Variants in PTPRT observed in about 807,000 individuals in gnomAD.
The protein encoded by PTPRT is receptor-type tyrosine-protein phosphatase T.
Under a neutral mutation model 176.8 loss-of-function variants are expected in PTPRT, and 56 were observed. The observed-to-expected ratio is 0.32, with a 90% CI of 0.26 to 0.40. The LOEUF is 0.40. Ranked by LOEUF, PTPRT falls within the 10% of genes least tolerant of loss-of-function variation. The pLI is 1.00. For missense variants in PTPRT, 1,540 were observed against 1,908.2 expected, an observed-to-expected ratio of 0.81 and a Z score of 3.60; for synonymous variants, 783 against 739.0, an observed-to-expected ratio of 1.06 and a Z score of -0.96.
intron 6 of PTPRT, among the ~76,000 whole-genome samples, chr20:42,745,356 G>A (rs1375829529): frequency 2.6e-5 from 4 of 152,196 alleles, no homozygotes; most frequent in African/African-American, 4.8e-5. Flanking sequence ...CATGGGGCAG[G>A]ATCTGGGCCA....
At chr20:42,280,686 G>T (rs1485150441) in intron 13 of PTPRT, among the ~76,000 whole-genome samples, 1 of 152,158 alleles carries the variant, frequency 6.6e-6, no homozygotes, top group African/African-American at 2.4e-5. Context: ...TCTTCTGTCT[G>T]GTTCTTTAAA....
chr20:42,450,233 A>C (rs1429120692), intron 8 of PTPRT, among the ~76,000 whole-genome samples: 1 of 152,262 alleles, frequency 6.6e-6, no homozygotes, highest in Non-Finnish European at 1.5e-5. Flanking sequence ...ATAGACCTTA[A>C]GATTAATGCT....
chr20:42,216,876 C>A (rs2055783618), intron 15 of PTPRT, among the ~76,000 whole-genome samples: 1 of 152,154 alleles, frequency 6.6e-6, no homozygotes, highest in South Asian at 2.1e-4. Flanking sequence ...TCAGAATCAC[C>A]TTGTTAAGCA....
chr20:42,627,431 A>G (rs1203366260), intron 7 of PTPRT, among the ~76,000 whole-genome samples: 3 of 151,972 alleles, frequency 2.0e-5, no homozygotes, highest in African/African-American at 7.2e-5. Context: ...TACCACACCC[A>G]GCTAATTTTT....
intron 9 of PTPRT, among the ~76,000 whole-genome samples, chr20:42,366,282 G>A (rs1440579865): frequency 6.6e-6 from 1 of 152,206 alleles, no homozygotes; most frequent in Non-Finnish European, 1.5e-5. Context: ...GATGGGTGGT[G>A]CCCAGGCTTG....
intron 12 of PTPRT, among the ~76,000 whole-genome samples, chr20:42,300,355 A>T (rs141542116): frequency 6.6e-6 from 1 of 152,194 alleles, no homozygotes; most frequent in East Asian, 1.9e-4. Flanking sequence ...GTACTCACTA[A>T]CAATGATTCC....
At chr20:42,948,471 A>C (rs1198367325) in intron 1 of PTPRT, among the ~76,000 whole-genome samples, 1 of 152,198 alleles carries the variant, frequency 6.6e-6, no homozygotes. Flanking sequence ...CATGTGGCCC[A>C]ATACAAGCCA....
At chr20:42,495,028 C>A (rs2071628823) in intron 7 of PTPRT, among the ~76,000 whole-genome samples, 1 of 152,182 alleles carries the variant, frequency 6.6e-6, no homozygotes, top group Admixed American at 6.6e-5. Flanking sequence ...CCTTGTCATC[C>A]TGACTCTCAT....
At chr20:42,338,148 A>G (rs757249184) in intron 11 of PTPRT, among the ~76,000 whole-genome samples, 1 of 152,230 alleles carries the variant, frequency 6.6e-6, no homozygotes, top group African/African-American at 2.4e-5. Context: ...GAATTCTTCA[A>G]TTCAGTTTAT....
At chr20:42,936,768 T>C (rs1980218140) in intron 1 of PTPRT, among the ~76,000 whole-genome samples, 1 of 152,192 alleles carries the variant, frequency 6.6e-6, no homozygotes. Flanking sequence ...GGGTTAGATG[T>C]GGAGTGTGAA....
chr20:43,134,878 C>A (rs920211012), intron 1 of PTPRT, among the ~76,000 whole-genome samples: 5 of 152,166 alleles, frequency 3.3e-5, no homozygotes, highest in African/African-American at 1.2e-4. Context: ...GCACTGTTGA[C>A]ATTTGGGGCC....
chr20:42,363,642 T>C (rs1329653920), intron 9 of PTPRT, among the ~76,000 whole-genome samples: 1 of 152,000 alleles, frequency 6.6e-6, no homozygotes, highest in African/African-American at 2.4e-5. Context: ...CGAGAGGACA[T>C]TTAATACCAC....
chr20:42,879,186 T>C (rs189196263), intron 2 of PTPRT, among the ~76,000 whole-genome samples: 20 of 152,312 alleles, frequency 1.3e-4, no homozygotes, highest in African/African-American at 4.8e-4. Context: ...AAAATTACCA[T>C]GAGCTGGGTG....
intron 4 of PTPRT, among the ~76,000 whole-genome samples, chr20:42,773,526 G>C (rs2077092450): frequency 6.6e-6 from 1 of 152,254 alleles, no homozygotes; most frequent in South Asian, 2.1e-4. Flanking sequence ...GGCTACCTTT[G>C]AGCCACCATG....
At chr20:42,468,679 G>T (rs1037419517) in intron 8 of PTPRT, among the ~76,000 whole-genome samples, 5 of 152,186 alleles carry the variant, frequency 3.3e-5, no homozygotes, top group Admixed American at 3.3e-4. Context: ...CTTAAAGCTG[G>T]ACTTGGGGTT....
At chr20:42,223,118 G>A (rs1423500360) in intron 15 of PTPRT, among the ~76,000 whole-genome samples, 1 of 152,022 alleles carries the variant, frequency 6.6e-6, no homozygotes, top group Non-Finnish European at 1.5e-5. Context: ...GTGTGAGAGA[G>A]TTTTTCTTGA....
the PTPRT span, among the ~76,000 whole-genome samples, chr20:42,047,081 G>T: frequency 1.3e-5 from 2 of 152,154 alleles, no homozygotes; most frequent in African/African-American, 4.8e-5. Flanking sequence ...ATGAGGAAAT[G>T]AAAACTTAGT....
chr20:42,807,991 A>T (rs1569167661), intron 2 of PTPRT, among the ~76,000 whole-genome samples: 1 of 152,192 alleles, frequency 6.6e-6, no homozygotes, highest in Non-Finnish European at 1.5e-5. Flanking sequence ...CTTTAGCAGT[A>T]GCCCCTCCAG....
chr20:42,330,725 A>G (rs1190586010), intron 11 of PTPRT, among the ~76,000 whole-genome samples: 1 of 152,024 alleles, frequency 6.6e-6, no homozygotes, highest in Non-Finnish European at 1.5e-5. Flanking sequence ...CAAATAATAA[A>G]CTTGTTTTTT....
Sources: allele counts gnomAD v4.1 joint callset (sites outside exome capture counted in the v4.1 genomes callset), GRCh38; gene constraint gnomAD v4.1.1; transcripts MANE v1.5; gene names NCBI Gene and HGNC (gene_info 2026-07-23, HGNC 2026-07-21).